Variants in MARCHF2 observed in about 807,000 individuals in gnomAD.
MARCHF2 encodes the protein E3 ubiquitin-protein ligase MARCHF2.
In MARCHF2, 22 loss-of-function variants were observed where a neutral mutation model predicts 24.0. The observed-to-expected ratio is 0.92, with a 90% CI of 0.66 to 1.31. MARCHF2 has a LOEUF of 1.31. MARCHF2 is among the 50% of genes most tolerant of loss of function. MARCHF2 has a pLI of 0.00. For missense variants in MARCHF2, 301 were observed against 335.3 expected (o/e 0.90, Z 0.80); for synonymous variants, 154 against 153.0 (o/e 1.01, Z -0.05).
In MARCHF2 at chr19:8,438,383, C is replaced by T. The variant is rs79496212; in HGVS notation, c.583-5C>T. The T allele has an allele frequency of 9.4e-3, 15,106 of 1,613,178 alleles. 110 individuals carry two copies. Among genetic ancestry groups the T allele is most frequent in the South Asian group, 0.018 (1,661 of 91,026 alleles). On this transcript the variant is annotated splice_region_variant and splice_polypyrimidine_tract_variant and intron_variant, in intron 4 of 4. Transcript: ENST00000215555. Reference sequence around the variant, plus strand: ...GCCTCCGCTCACTGCAGGGCTGCCCCACAGGTCTCCTTCCGCTACCACTGC... The same window carrying T: ...GCCTCCGCTCACTGCAGGGCTGCCCTACAGGTCTCCTTCCGCTACCACTGC...
At chr19:8,435,821 A>G (rs1967701363) in intron 4 of MARCHF2, among the ~76,000 whole-genome samples, 2 of 138,770 alleles carry the variant, frequency 1.4e-5, no homozygotes, top group Non-Finnish European at 3.1e-5. Context: ...GAGCCACTGC[A>G]CCTGGCCTGT....
At position 8,430,287 on chromosome 19, in the gene MARCHF2, T is replaced by C. The variant is rs946279316; in HGVS notation, c.373-371T>C. ...CTGAGGTGGGAGAATCGCTTGAACC[T>C]GGGATGTTGAGGTTGCAGTGAGCCG... On this transcript the variant is annotated intron_variant, in intron 3 of 4. Coordinates refer to ENST00000215555, the MANE Select transcript of MARCHF2 (RefSeq NM_001005415.2). This position sits in a 1 kb window ranked among gnomAD's most constrained non-coding sequence, Gnocchi z 4.4. 3.3e-5 allele frequency among the ~76,000 whole-genome samples: 5 copies of C among 150,322 alleles called. No individual in the cohort carries two copies. Among genetic ancestry groups the C allele is most frequent in the African/African-American group, 9.8e-5 (4 of 40,868 alleles).
intron 4 of MARCHF2, among the ~76,000 whole-genome samples, chr19:8,435,020 A>AT (rs199880511): frequency 0.27 from 35,433 of 130,884 alleles, 5,439 homozygotes; most frequent in South Asian, 0.42. Flanking sequence ...TTATTTTTTA[A>AT]TTTTTTTTTT....
At chr19:8,426,521 T>C in intron 2 of MARCHF2, 88 bp from the exon 3 acceptor site, 3 of 1,070,166 alleles carry the variant, frequency 2.8e-6, no homozygotes, top group Admixed American at 3.8e-5. Context: ...CAGCATGGGG[T>C]AAGGGTGAGC....
intron 4 of MARCHF2, 25 bp from the exon 5 acceptor site, chr19:8,438,363 C>G: frequency 6.2e-7 from 1 of 1,611,616 alleles, no homozygotes; most frequent in South Asian, 1.1e-5. Context: ...TGGAGGCCTC[C>G]GCTCACTGCA....
At chr19:8,427,393 C>T (rs1000529588) in intron 3 of MARCHF2, among the ~76,000 whole-genome samples, 2 of 151,734 alleles carry the variant, frequency 1.3e-5, no homozygotes, top group Non-Finnish European at 2.9e-5. Context: ...TCCAGCATGC[C>T]CAGCACTCTG....
In MARCHF2 at chr19:8,419,158, T is replaced by A. The variant is rs1967159824; in HGVS notation, c.-52-2631T>A. On this transcript the variant is annotated intron_variant, in intron 1 of 4. Coordinates refer to ENST00000215555, the MANE Select transcript of MARCHF2 (RefSeq NM_001005415.2). ...GATGGATCACCTGAGGTCAGGAGTT[T>A]GAGACCATCCTGGCCAACATGGTGA... is the stretch of plus-strand genomic sequence containing the variant. Among the ~76,000 whole-genome samples the A allele has an allele frequency of 2.6e-5, 4 of 151,286 alleles. No individual in the cohort carries two copies. In the South Asian group the frequency reaches 8.4e-4, roughly 32 times the overall value.
rs1450260363 is a variant in MARCHF2, at chr19:8,430,658, T to A, written c.373T>A (p.Trp125Arg). Reference sequence around the variant, plus strand: ...CTGCCCCCTATCCTCTCCCCTGCAGTGGCTGAAGGACCCGGGGCCGCGGAC... The same window carrying A: ...CTGCCCCCTATCCTCTCCCCTGCAGAGGCTGAAGGACCCGGGGCCGCGGAC... ...VEKRPRPLTE[W>R]LKDPGPRTEK... Residue 125 changes from tryptophan (W) to arginine (R), a missense_variant and splice_region_variant, in exon 4 of 5, where the codon TGG becomes AGG. Trp to Arg is a moderately radical substitution (Grantham distance 101). Transcript: ENST00000215555. This position sits in a 1 kb window ranked among gnomAD's most constrained non-coding sequence, Gnocchi z 4.4. The A allele has an allele frequency of 6.2e-7, 1 of 1,606,460 alleles. No homozygotes were observed. The highest frequency in any genetic ancestry group is 8.5e-7 in the Non-Finnish European group (1 of 1,179,446).
At chr19:8,425,672 A>G (rs1253375323) in intron 2 of MARCHF2, among the ~76,000 whole-genome samples, 1 of 149,678 alleles carries the variant, frequency 6.7e-6, no homozygotes, top group African/African-American at 2.5e-5. Context: ...GCTGGAGTGC[A>G]GTGGTGTAAT....
chr19:8,437,476 C>T (rs898482809), intron 4 of MARCHF2, among the ~76,000 whole-genome samples: 9 of 151,042 alleles, frequency 6.0e-5, no homozygotes, highest in African/African-American at 2.2e-4. Context: ...CTCAGCGTCC[C>T]GAGTAGCTGG....
intron 3 of MARCHF2, among the ~76,000 whole-genome samples, chr19:8,428,118 G>C (rs1471008083): frequency 2.0e-5 from 3 of 152,186 alleles, no homozygotes; most frequent in Admixed American, 6.6e-5. Flanking sequence ...AAATTAGCCG[G>C]GCGTGGTTGC....
intron 3 of MARCHF2, 67 bp downstream of exon 3, chr19:8,426,871 G>A: frequency 1.4e-6 from 2 of 1,459,448 alleles, no homozygotes; most frequent in Admixed American, 3.7e-5. Flanking sequence ...CCAAAGGCAG[G>A]AGCTGCCCCG....
At chr19:8,424,087 C>T (rs1273998187) in intron 2 of MARCHF2, among the ~76,000 whole-genome samples, 1 of 152,026 alleles carries the variant, frequency 6.6e-6, no homozygotes, top group Non-Finnish European at 1.5e-5. Flanking sequence ...TCACAGTCTG[C>T]CTTCTGGCCA....
intron 4 of MARCHF2, among the ~76,000 whole-genome samples, chr19:8,433,862 ACT>A (rs899036781): frequency 2.0e-5 from 3 of 146,450 alleles, no homozygotes; most frequent in Non-Finnish European, 4.5e-5. Context: ...ACAGAATAAG[ACT>A]CTGTCTCAAA....
rs180696448 is a variant in MARCHF2, at chr19:8,426,537, A to T, written c.177-72A>T. 11 of 1,282,448 alleles carry T rather than the reference A, an allele frequency of 8.6e-6. No individual in the cohort carries two copies. In the African/African-American group the frequency reaches 1.6e-4, roughly 19 times the overall value. 79.4% of individuals were successfully genotyped at this position (1,282,448 alleles called of 1,614,324 possible). On this transcript the variant is annotated intron_variant, in intron 2 of 4. Coordinates refer to ENST00000215555, the MANE Select transcript of MARCHF2 (RefSeq NM_001005415.2). The stretch of plus-strand genomic sequence containing the variant: ...AGCATGGGGTAAGGGTGAGCTTGTG[A>T]TCCAGTGGGTAGTGAAGCAGGTATA...
chr19:8,419,957 G>A (rs1222514263), intron 1 of MARCHF2, among the ~76,000 whole-genome samples: 2 of 149,594 alleles, frequency 1.3e-5, no homozygotes, highest in Non-Finnish European at 3.0e-5. Flanking sequence ...AGGAGATGGA[G>A]ATCATCCTGG....
chr19:8,422,791 G>A (rs1255720698), intron 2 of MARCHF2, among the ~76,000 whole-genome samples: 4 of 136,946 alleles, frequency 2.9e-5, no homozygotes, highest in African/African-American at 5.6e-5. Flanking sequence ...TGCAACCTCC[G>A]CCTCCCGGAT....
intron 3 of MARCHF2, among the ~76,000 whole-genome samples, chr19:8,427,437 C>G (rs533713694): frequency 6.6e-6 from 1 of 150,868 alleles, no homozygotes; most frequent in Non-Finnish European, 1.5e-5. Flanking sequence ...CAACAAGACA[C>G]GTAGGGCTGG....
At chr19:8,429,928 C>T (rs1967532401) in intron 3 of MARCHF2, among the ~76,000 whole-genome samples, 1 of 151,610 alleles carries the variant, frequency 6.6e-6, no homozygotes, top group Non-Finnish European at 1.5e-5. Flanking sequence ...GTTGGAACCC[C>T]AGCTTTGTGG....
Sources: allele counts gnomAD v4.1 joint callset (sites outside exome capture counted in the v4.1 genomes callset), GRCh38; gene constraint gnomAD v4.1.1; non-coding constraint Gnocchi (gnomAD v3.1); transcripts MANE v1.5; gene names NCBI Gene and HGNC (gene_info 2026-07-23, HGNC 2026-07-21).